The following ZNF277 variants were observed in gnomAD, a reference collection of about 807,000 sequenced individuals.
ZNF277 encodes zinc finger protein 277.
In ZNF277, 55 loss-of-function variants were observed where a neutral mutation model predicts 60.7. The observed-to-expected ratio is 0.91, with a 90% CI of 0.73 to 1.13. ZNF277 has a LOEUF of 1.13. Among genes scored for constraint, ZNF277 ranks in the 50% most tolerant of loss-of-function variants. The pLI, the probability that ZNF277 is intolerant of heterozygous loss-of-function variation, is 0.00. For missense variants in ZNF277, 510 were observed against 523.0 expected (o/e 0.98, Z 0.24); for synonymous variants, 178 against 179.3 (o/e 0.99, Z 0.06).
intron 4 of ZNF277, 103 bp from the exon 5 acceptor site, chr7:112,318,079 C>G: frequency 2.3e-6 from 2 of 864,812 alleles, no homozygotes; most frequent in Non-Finnish European, 3.7e-6. Flanking sequence ...TTTATATACT[C>G]CCTTTATGCT....
At chr7:112,262,693 G>A (rs1791464538) in intron 1 of ZNF277, among the ~76,000 whole-genome samples, 1 of 151,920 alleles carries the variant, frequency 6.6e-6, no homozygotes, top group Non-Finnish European at 1.5e-5. Flanking sequence ...GTATAAAAAT[G>A]TGCCATTTTT....
At chr7:112,305,586 CT>C (rs1792570256) in intron 4 of ZNF277, among the ~76,000 whole-genome samples, 1 of 151,606 alleles carries the variant, frequency 6.6e-6, no homozygotes, top group South Asian at 2.1e-4. Context: ...TAATACTAAA[CT>C]TTTAATGAGC....
chr7:112,206,878 C>G (rs1251278629), intron 1 of ZNF277, 71 bp downstream of exon 1: 1 of 1,489,952 alleles, frequency 6.7e-7, no homozygotes, highest in Non-Finnish European at 9.2e-7. Context: ...CAACGGACCT[C>G]TGGTCTGACC....
intron 1 of ZNF277, among the ~76,000 whole-genome samples, chr7:112,284,425 A>G (rs1163602021): frequency 6.6e-6 from 1 of 152,166 alleles, no homozygotes; most frequent in Non-Finnish European, 1.5e-5. Flanking sequence ...GATGTAAAAT[A>G]CTATCATAGA....
At chr7:112,339,303 G>C (rs555119950) in intron 9 of ZNF277, among the ~76,000 whole-genome samples, 1 of 152,298 alleles carries the variant, frequency 6.6e-6, no homozygotes, top group Admixed American at 6.5e-5. Flanking sequence ...ATAGATATAA[G>C]CTATGAGCAA....
chr7:112,230,362 A>G (rs1044494468), intron 1 of ZNF277, among the ~76,000 whole-genome samples: 5 of 152,210 alleles, frequency 3.3e-5, no homozygotes, highest in Admixed American at 3.3e-4. Flanking sequence ...TATGTAGTCC[A>G]AACTGGATGC....
chr7:112,338,467 C>G (rs1445301198), intron 9 of ZNF277, among the ~76,000 whole-genome samples: 1 of 152,140 alleles, frequency 6.6e-6, no homozygotes, highest in Admixed American at 6.6e-5. Flanking sequence ...ATGATAGTAT[C>G]ACAGCTTGTG....
intron 1 of ZNF277, among the ~76,000 whole-genome samples, chr7:112,233,375 C>T (rs1167183082): frequency 2.6e-5 from 4 of 152,172 alleles, no homozygotes; most frequent in Admixed American, 1.3e-4. Flanking sequence ...GCTACATTGG[C>T]TTTCCTCCAC....
At chr7:112,241,490 C>T (rs1035638263) in intron 1 of ZNF277, among the ~76,000 whole-genome samples, 1 of 152,110 alleles carries the variant, frequency 6.6e-6, no homozygotes, top group African/African-American at 2.4e-5. Context: ...AGCAATCCTG[C>T]TCCTAGGTGT....
At chr7:112,326,480 A>G (rs1793095470) in intron 5 of ZNF277, among the ~76,000 whole-genome samples, 1 of 152,178 alleles carries the variant, frequency 6.6e-6, no homozygotes, top group Non-Finnish European at 1.5e-5. Flanking sequence ...ACCCCTGGAA[A>G]GGTCTAGCTC....
At position 112,206,728 on chromosome 7, in the gene ZNF277, C is replaced by G; in HGVS notation, c.12C>G (p.Ser4=). 6.2e-7 allele frequency: 1 copy of G among 1,613,340 alleles called. No individual in the cohort carries two copies. The highest frequency in any genetic ancestry group is 8.5e-7 in the Non-Finnish European group (1 of 1,179,734). The change falls in exon 1 of 12, where the codon TCC becomes TCG. Residue 4 remains serine (S), a synonymous_variant. Transcript: ENST00000361822. MAA[S]KTQGAVARMQ... ...TTTTCTGCCGGGTAATGGCTGCTTC[C>G]AAGACCCAGGGGGCTGTCGCCCGAA...
chr7:112,307,246 G>C (rs888799149), intron 4 of ZNF277, among the ~76,000 whole-genome samples: 1 of 151,966 alleles, frequency 6.6e-6, no homozygotes, highest in Non-Finnish European at 1.5e-5. Context: ...CAGGGATTTT[G>C]CCTTTAAGAA....
intron 1 of ZNF277, among the ~76,000 whole-genome samples, chr7:112,242,406 G>A (rs948281569): frequency 2.6e-5 from 4 of 152,004 alleles, no homozygotes; most frequent in East Asian, 1.9e-4. Context: ...GCTTGCTTGC[G>A]ATAGGTGCTA....
At chr7:112,296,925 T>TA (rs1563219772) in intron 4 of ZNF277, among the ~76,000 whole-genome samples, 26 of 80,940 alleles carry the variant, frequency 3.2e-4, no homozygotes, top group Non-Finnish European at 6.3e-4. Context: ...TTTTTTTTTT[T>TA]TTTTTTTTTT....
intron 4 of ZNF277, among the ~76,000 whole-genome samples, chr7:112,313,166 T>A (rs1227223408): frequency 1.3e-5 from 2 of 152,154 alleles, no homozygotes; most frequent in Non-Finnish European, 2.9e-5. Context: ...CCTTAGCTGT[T>A]GGGCTTTATA....
chr7:112,249,946 C>A (rs1387335238), intron 1 of ZNF277, among the ~76,000 whole-genome samples: 1 of 151,940 alleles, frequency 6.6e-6, no homozygotes, highest in Admixed American at 6.6e-5. Flanking sequence ...GAAATGTGGG[C>A]TCCTTAAAAA....
chr7:112,209,488 TAA>T (rs775525898), intron 1 of ZNF277, among the ~76,000 whole-genome samples: 3 of 152,134 alleles, frequency 2.0e-5, no homozygotes, highest in Non-Finnish European at 4.4e-5. Context: ...TTGTTTTCAA[TAA>T]AAGTGTTGAG....
chr7:112,336,803 C>G (rs559816270), intron 8 of ZNF277, among the ~76,000 whole-genome samples: 1 of 152,202 alleles, frequency 6.6e-6, no homozygotes, highest in East Asian at 1.9e-4. Flanking sequence ...AGAGAGTCTT[C>G]CAGACTGAAA....
intron 1 of ZNF277, among the ~76,000 whole-genome samples, chr7:112,249,772 A>G (rs1791161701): frequency 6.6e-6 from 1 of 152,200 alleles, no homozygotes; most frequent in South Asian, 2.1e-4. Context: ...TAAAGATTTC[A>G]TGGACACTTA....
Sources: gnomAD v4.1 joint callset for allele counts (sites outside exome capture counted in the v4.1 genomes callset) on GRCh38, gnomAD v4.1.1 for gene constraint, MANE v1.5 for transcripts, NCBI Gene and HGNC (gene_info 2026-07-23, HGNC 2026-07-21) for gene names.